Variants in GLG1 observed in about 807,000 individuals in gnomAD.
GLG1 encodes the protein golgi glycoprotein 1, also known as Golgi apparatus protein 1.
A neutral mutation model predicts 160.5 loss-of-function variants in GLG1; 38 were observed. The ratio of observed to expected loss-of-function variants is 0.24; its 90% CI spans 0.18 to 0.31. The LOEUF is 0.31. Among genes scored for constraint, GLG1 ranks in the 10% least tolerant of loss-of-function variants. GLG1 has a pLI of 1.00. For missense variants in GLG1, 1,373 were observed against 1,505.2 expected (o/e 0.91, Z 1.45); for synonymous variants, 644 against 543.4 (o/e 1.19, Z -2.57).
At chr16:74,486,401 G>A (rs1281091427) in intron 8 of GLG1, among the ~76,000 whole-genome samples, 1 of 152,212 alleles carries the variant, frequency 6.6e-6, no homozygotes, top group South Asian at 2.1e-4. Flanking sequence ...AAGCAGATGT[G>A]CAATTTCATT....
intron 2 of GLG1, 151 bp downstream of exon 2, chr16:74,531,970 G>C (rs999880187): frequency 5.6e-5 from 22 of 392,078 alleles, no homozygotes; most frequent in African/African-American, 2.3e-4. Flanking sequence ...GTTATTTGTT[G>C]ATTTTACCAG....
intron 3 of GLG1, among the ~76,000 whole-genome samples, chr16:74,507,628 T>C (rs2016658891): frequency 6.6e-6 from 1 of 151,920 alleles, no homozygotes; most frequent in South Asian, 2.1e-4. Flanking sequence ...CCCAGTTACT[T>C]GGGAGGCTGA....
intron 4 of GLG1, among the ~76,000 whole-genome samples, chr16:74,497,525 A>C (rs1192927163): frequency 8.1e-6 from 1 of 123,104 alleles, no homozygotes; most frequent in African/African-American, 3.2e-5. Context: ...GCACGCTCCC[A>C]CTCCCGGGTT....
intron 1 of GLG1, among the ~76,000 whole-genome samples, chr16:74,554,615 G>C (rs573863294): frequency 1.3e-5 from 2 of 152,318 alleles, no homozygotes; most frequent in East Asian, 3.9e-4. Context: ...CACTTAAATT[G>C]AGCAGATGGG....
At chr16:74,571,241 T>C (rs1046614515) in intron 1 of GLG1, among the ~76,000 whole-genome samples, 4 of 152,162 alleles carry the variant, frequency 2.6e-5, no homozygotes, top group Non-Finnish European at 4.4e-5. Flanking sequence ...AACCCACAGC[T>C]GACCTGCCAA....
At chr16:74,487,605 A>G (rs1408968900) in intron 8 of GLG1, among the ~76,000 whole-genome samples, 1 of 152,200 alleles carries the variant, frequency 6.6e-6, no homozygotes, top group East Asian at 1.9e-4. Context: ...TTACTATCGA[A>G]TGATTACCAA....
rs541599860 is a variant in GLG1 at position 74,604,892 on chromosome 16, T to C, written c.438+1765A>G. On this transcript the variant is annotated intron_variant, in intron 1 of 25. Transcript: ENST00000422840. ...GGTGAAACCCTGTCTCTACTAAAAATACAAAAATTAGCTGGGCGTGGTGGC... is the reference window on the plus strand; with the variant it reads ...GGTGAAACCCTGTCTCTACTAAAAACACAAAAATTAGCTGGGCGTGGTGGC... Among the ~76,000 whole-genome samples the C allele has an allele frequency of 1.8e-4, 27 of 152,114 alleles. No individual in the cohort carries two copies. The South Asian group carries it at 5.2e-3, about 29-fold the overall frequency.
intron 2 of GLG1, among the ~76,000 whole-genome samples, chr16:74,511,748 G>C (rs1262529033): frequency 1.3e-5 from 2 of 152,084 alleles, no homozygotes; most frequent in African/African-American, 4.8e-5. Context: ...CTACAATTGA[G>C]CTAGAAATAG....
intron 1 of GLG1, among the ~76,000 whole-genome samples, chr16:74,544,288 TG>T (rs776321699): frequency 9.9e-5 from 15 of 152,192 alleles, no homozygotes; most frequent in East Asian, 3.9e-4. Context: ...TGCAAGATCT[TG>T]GAAAAATTAT....
chr16:74,469,123 C>G (rs1445364304), intron 16 of GLG1, 60 bp from the exon 17 acceptor site: 20 of 1,103,414 alleles, frequency 1.8e-5, no homozygotes, highest in Admixed American at 6.8e-5. Flanking sequence ...GGCCTGAGAG[C>G]TGGGCTTGGG....
intron 3 of GLG1, among the ~76,000 whole-genome samples, chr16:74,506,598 A>AAAAAAAAAAAAC (rs768101788): frequency 3.5e-5 from 5 of 144,670 alleles, no homozygotes; most frequent in African/African-American, 1.3e-4. Flanking sequence ...AAAAAAAAAA[A>AAAAAAAAAAAAC]AAAAAACTCA....
At chr16:74,473,598 CCTGA>C (rs1322390633) in intron 13 of GLG1, among the ~76,000 whole-genome samples, 1 of 151,950 alleles carries the variant, frequency 6.6e-6, no homozygotes. Flanking sequence ...CGCCACCACA[CCTGA>C]CTAATTTTTT....
intron 1 of GLG1, among the ~76,000 whole-genome samples, chr16:74,590,099 G>C (rs1958139047): frequency 6.6e-6 from 1 of 151,932 alleles, no homozygotes; most frequent in South Asian, 2.1e-4. Context: ...CAGGGTTCAT[G>C]CCATTCTCCT....
intron 4 of GLG1, among the ~76,000 whole-genome samples, chr16:74,498,447 A>AAATATATATATATATAT (rs1491293119): frequency 1.2e-4 from 1 of 8,208 alleles, no homozygotes; most frequent in Non-Finnish European, 3.9e-4. Context: ...AAAAAAAAAA[A>AAATATATATATATATAT]GTATATATAT....
At position 74,489,506 on chromosome 16, in the gene GLG1, G is replaced by C. The variant is rs146565289; in HGVS notation, c.1449+1495C>G. 7.7e-3 allele frequency among the ~76,000 whole-genome samples: 1,160 copies of C among 150,970 alleles called. 20 individuals carry two copies. The highest frequency in any genetic ancestry group is 0.026 in the African/African-American group (1,083 of 41,150). On this transcript the variant is annotated intron_variant, in intron 8 of 25. Transcript: ENST00000422840. ...AAAGGTAGGTTCATTCCTAACCCCC[G>C]CCACAACAACCTTTCTGTGCTGCTT... is the stretch of plus-strand genomic sequence containing the variant.
chr16:74,553,118 G>A (rs1344213931), intron 1 of GLG1, among the ~76,000 whole-genome samples: 1 of 151,760 alleles, frequency 6.6e-6, no homozygotes, highest in Non-Finnish European at 1.5e-5. Context: ...TACTCGGGAG[G>A]CTGAGGCAGA....
chr16:74,588,680 A>C (rs118187621), intron 1 of GLG1, among the ~76,000 whole-genome samples: 2,924 of 152,070 alleles, frequency 0.019, 39 homozygotes, highest in Non-Finnish European at 0.028. Context: ...TAGCCTCCCA[A>C]AGTGCTCGGA....
At chr16:74,497,356 T>A (rs2016232018) in intron 4 of GLG1, among the ~76,000 whole-genome samples, 1 of 151,100 alleles carries the variant, frequency 6.6e-6, no homozygotes, top group South Asian at 2.1e-4. Flanking sequence ...ATAGTTCATG[T>A]CAAGACTGAA....
chr16:74,482,716 G>C (rs1256083265), intron 10 of GLG1, among the ~76,000 whole-genome samples: 3 of 152,068 alleles, frequency 2.0e-5, no homozygotes, highest in Non-Finnish European at 4.4e-5. Flanking sequence ...AGGCGCTTTT[G>C]CCACCCCCAC....
Sources: gnomAD v4.1 joint callset for allele counts (sites outside exome capture counted in the v4.1 genomes callset) on GRCh38, gnomAD v4.1.1 for gene constraint, MANE v1.5 for transcripts, NCBI Gene and HGNC (gene_info 2026-07-23, HGNC 2026-07-21) for gene names.